AK9: variants seen among roughly 807,000 people sequenced by gnomAD.
AK9 encodes adenylate kinase domain containing 1.
A neutral mutation model predicts 239.6 loss-of-function variants in AK9; 191 were observed. The ratio of observed to expected loss-of-function variants is 0.80; its 90% CI spans 0.71 to 0.90. The LOEUF is 0.90. Among genes scored for constraint, AK9 ranks in the 40% least tolerant of loss-of-function variants. The pLI is 0.00. For missense variants in AK9, 1,995 were observed against 2,214.7 expected, an observed-to-expected ratio of 0.90 and a Z score of 1.99; for synonymous variants, 689 against 721.0, an observed-to-expected ratio of 0.96 and a Z score of 0.71.
chr6:109,539,775 G>A (rs1294245255), intron 27 of AK9, among the ~76,000 whole-genome samples: 2 of 152,108 alleles, frequency 1.3e-5, no homozygotes, highest in African/African-American at 2.4e-5. Context: ...GTACAGATGG[G>A]GTTTTGGTGT....
intron 24 of AK9, chr6:109,550,546 C>T (rs1026262884): frequency 3.0e-6 from 1 of 329,028 alleles, no homozygotes; most frequent in South Asian, 5.1e-5. Flanking sequence ...ATGAAGGTGC[C>T]TCCAGTCCTC....
intron 21 of AK9, among the ~76,000 whole-genome samples, chr6:109,569,333 A>G (rs989141981): frequency 4.6e-5 from 7 of 152,066 alleles, no homozygotes; most frequent in Non-Finnish European, 8.8e-5. Context: ...AACCCTAGAA[A>G]CAAACCTAGG....
intron 38 of AK9, 115 bp downstream of exon 38, chr6:109,497,350 A>C (rs1408590047): frequency 4.7e-6 from 3 of 632,952 alleles, no homozygotes; most frequent in East Asian, 6.8e-5. Flanking sequence ...ACACACACAC[A>C]CACACACACA....
At chr6:109,599,034 C>T (rs1791508391) in intron 17 of AK9, among the ~76,000 whole-genome samples, 2 of 152,174 alleles carry the variant, frequency 1.3e-5, no homozygotes, top group Admixed American at 1.3e-4. Flanking sequence ...TGCCTGTTCA[C>T]TCTGATGGTA....
chr6:109,557,863 T>C (rs1249202469), intron 24 of AK9, among the ~76,000 whole-genome samples: 2 of 152,222 alleles, frequency 1.3e-5, no homozygotes, highest in African/African-American at 4.8e-5. Flanking sequence ...ACGAGCAGTA[T>C]ATAAGAGTTC....
At chr6:109,641,725 C>A (rs1009463311) in intron 9 of AK9, 109 bp from the exon 10 acceptor site, 7 of 896,860 alleles carry the variant, frequency 7.8e-6, no homozygotes, top group South Asian at 1.6e-5. Context: ...GACTCTGGGT[C>A]GAATCCTTGC....
rs577928024 is a variant in AK9, at chr6:109,500,989, A to G, written c.4850-1749T>C. Among the ~76,000 whole-genome samples, 31 of 132,152 alleles carry G rather than the reference A, an allele frequency of 2.3e-4. No homozygotes were observed. In the East Asian group the frequency reaches 6.7e-3, roughly 28 times the overall value. The allele number at this position is 132,152 out of a possible 152,430, so 86.7% of individuals were successfully genotyped here. Reference sequence around the variant, plus strand: ...GCCACTGCACTCCAGGCTGGGCAACAGAGTGAGACTCTCAAACAAACAAAC... The same window carrying G: ...GCCACTGCACTCCAGGCTGGGCAACGGAGTGAGACTCTCAAACAAACAAAC... On this transcript the variant is annotated intron_variant, in intron 35 of 40. Coordinates refer to ENST00000424296, the MANE Select transcript of AK9 (RefSeq NM_001145128.3).
intron 8 of AK9, among the ~76,000 whole-genome samples, chr6:109,651,588 C>G (rs1157591896): frequency 1.3e-5 from 2 of 151,938 alleles, no homozygotes; most frequent in Non-Finnish European, 2.9e-5. Flanking sequence ...CTGAAGGAGA[C>G]AGAGACACAT....
intron 33 of AK9, among the ~76,000 whole-genome samples, chr6:109,507,870 G>A (rs1004284526): frequency 1.3e-5 from 2 of 152,290 alleles, no homozygotes; most frequent in African/African-American, 4.8e-5. Context: ...CAATCCCAGC[G>A]GCCATACTTC....
rs1779277855 is a variant in AK9 at position 109,516,358 on chromosome 6, T to C, written c.3846+72A>G. 20 of 1,271,346 alleles carry C rather than the reference T, an allele frequency of 1.6e-5. No homozygotes were observed. The Middle Eastern group carries it at 1.3e-3, about 83-fold the overall frequency. 78.8% of individuals were successfully genotyped at this position (1,271,346 alleles called of 1,614,324 possible). On this transcript the variant is annotated intron_variant, in intron 30 of 40. Transcript: ENST00000424296. ...TTTTTAAATGTTTAAAGAAATGGCA[T>C]GAACTAAATTGCTTTAGTCTGATTC...
intron 3 of AK9, 135 bp from the exon 4 acceptor site, chr6:109,672,302 T>A: frequency 2.6e-6 from 2 of 784,284 alleles, no homozygotes; most frequent in South Asian, 3.4e-5. Context: ...TGCAAATGTA[T>A]GCATATTACT....
chr6:109,612,366 C>A (rs1031694206), intron 15 of AK9, among the ~76,000 whole-genome samples: 2 of 152,100 alleles, frequency 1.3e-5, no homozygotes, highest in Non-Finnish European at 2.9e-5. Flanking sequence ...CAACTAACAC[C>A]CTCTTGACTC....
intron 26 of AK9, among the ~76,000 whole-genome samples, chr6:109,544,038 G>T (rs1783216345): frequency 6.6e-6 from 1 of 152,070 alleles, no homozygotes; most frequent in Admixed American, 6.5e-5. Context: ...AGGATCGCTT[G>T]AGCCCAGGAG....
chr6:109,605,802 C>T (rs1389431591), intron 17 of AK9, among the ~76,000 whole-genome samples: 1 of 152,088 alleles, frequency 6.6e-6, no homozygotes, highest in Admixed American at 6.6e-5. Context: ...GAATCGGCCA[C>T]ACAGCTTTAT....
chr6:109,499,506 T>A (rs1777387802), intron 35 of AK9, among the ~76,000 whole-genome samples: 1 of 152,226 alleles, frequency 6.6e-6, no homozygotes, highest in Non-Finnish European at 1.5e-5. Flanking sequence ...GCATATAGTA[T>A]GCTTGTGCCA....
intron 13 of AK9, among the ~76,000 whole-genome samples, chr6:109,617,827 G>A (rs184397584): frequency 6.8e-6 from 1 of 146,512 alleles, no homozygotes; most frequent in Admixed American, 7.0e-5. Flanking sequence ...TGCTTTTTCT[G>A]GTTTTCTGTG....
At chr6:109,511,131 T>C (rs767967164) in intron 32 of AK9, among the ~76,000 whole-genome samples, 2 of 151,348 alleles carry the variant, frequency 1.3e-5, no homozygotes, top group Non-Finnish European at 2.9e-5. Context: ...GGTGGCAAAA[T>C]TTTTGAGAGC....
intron 6 of AK9, chr6:109,661,000 T>C (rs376919608): frequency 3.2e-5 from 16 of 499,146 alleles, no homozygotes; most frequent in African/African-American, 1.8e-4. Flanking sequence ...AATTCACATA[T>C]ACATAAAGTT....
intron 25 of AK9, among the ~76,000 whole-genome samples, chr6:109,548,631 A>T (rs1268636272): frequency 6.6e-6 from 1 of 152,234 alleles, no homozygotes; most frequent in African/African-American, 2.4e-5. Flanking sequence ...CAGAAACAAT[A>T]GCCAAAACAC....
Sources: allele counts gnomAD v4.1 joint callset (sites outside exome capture counted in the v4.1 genomes callset), GRCh38; gene constraint gnomAD v4.1.1; transcripts MANE v1.5; gene names NCBI Gene and HGNC (gene_info 2026-07-23, HGNC 2026-07-21).